ATAD1: variants seen among roughly 807,000 people sequenced by gnomAD.
ATAD1 encodes outer mitochondrial transmembrane helix translocase.
Under a neutral mutation model 42.7 loss-of-function variants are expected in ATAD1, and 18 were observed. The observed-to-expected ratio is 0.42, with a 90% confidence interval of 0.29 to 0.63. ATAD1 has a LOEUF of 0.63. Among genes scored for constraint, ATAD1 ranks in the 20% least tolerant of loss-of-function variants. The pLI is 0.19. For missense variants in ATAD1, 294 were observed against 440.4 expected (o/e 0.67, Z 2.98); for synonymous variants, 132 against 143.1 (o/e 0.92, Z 0.55).
At chr10:87,813,505 T>C (rs1589557859) in intron 2 of ATAD1, among the ~76,000 whole-genome samples, 2 of 152,222 alleles carry the variant, frequency 1.3e-5, no homozygotes, top group African/African-American at 2.4e-5. Context: ...TATATACTTA[T>C]TGCAGTGTTT....
intron 8 of ATAD1, among the ~76,000 whole-genome samples, chr10:87,762,946 T>A (rs2131777066): frequency 6.8e-6 from 1 of 146,322 alleles, no homozygotes; most frequent in Admixed American, 6.8e-5. Flanking sequence ...CCGGGTGTGG[T>A]GGCGCGCGCC....
chr10:87,829,796 T>G (rs1857796701), intron 1 of ATAD1, among the ~76,000 whole-genome samples: 2 of 152,326 alleles, frequency 1.3e-5, no homozygotes, highest in South Asian at 2.1e-4. Flanking sequence ...ATGAGCTGCT[T>G]CTTATGAATG....
rs138157721 is a variant in ATAD1 at position 87,815,415 on chromosome 10, T to C, written c.-13-803A>G. ...CCCGGAAGAATAAGCTTGTTAGGGATGATATGACTATCACATTTTGGGAGA... is the reference window on the plus strand; with the variant it reads ...CCCGGAAGAATAAGCTTGTTAGGGACGATATGACTATCACATTTTGGGAGA... On this transcript the variant is annotated intron_variant, in intron 1 of 9. Transcript: ENST00000680024. Among the ~76,000 whole-genome samples, 214 of 152,236 alleles carry C rather than the reference T, an allele frequency of 1.4e-3. 3 individuals carry two copies. Among genetic ancestry groups the C allele is most frequent in the African/African-American group, 4.9e-3 (205 of 41,574 alleles).
chr10:87,837,366 A>C (rs1857948530), intron 1 of ATAD1, among the ~76,000 whole-genome samples: 1 of 152,192 alleles, frequency 6.6e-6, no homozygotes, highest in African/African-American at 2.4e-5. Context: ...TTTCAATGTC[A>C]ATTCTGTTTT....
intron 1 of ATAD1, 57 bp from the exon 2 acceptor site, chr10:87,814,669 A>C (rs1589560053): frequency 7.8e-7 from 1 of 1,280,132 alleles, no homozygotes; most frequent in East Asian, 2.9e-5. Flanking sequence ...TAAAATTGTA[A>C]GACTAACAAA....
At chr10:87,776,217 T>C in intron 6 of ATAD1, 104 bp downstream of exon 6, 1 of 786,272 alleles carries the variant, frequency 1.3e-6, no homozygotes, top group Non-Finnish European at 2.1e-6. Context: ...GTGTAAATAA[T>C]TATGAAAAAA....
intron 8 of ATAD1, among the ~76,000 whole-genome samples, chr10:87,762,688 G>A (rs1026493765): frequency 1.3e-5 from 2 of 151,132 alleles, no homozygotes; most frequent in South Asian, 2.1e-4. Flanking sequence ...GGCTGGTTTC[G>A]AACTCCTGAC....
intron 1 of ATAD1, among the ~76,000 whole-genome samples, chr10:87,825,021 G>A (rs1162213387): frequency 6.6e-6 from 1 of 152,136 alleles, no homozygotes; most frequent in African/African-American, 2.4e-5. Flanking sequence ...ATTCCCATCT[G>A]TCAAGTAACA....
chr10:87,790,565 A>G lies in ATAD1; in HGVS notation c.262-135T>C. The G allele has an allele frequency of 2.1e-6, 2 of 948,192 alleles. 1 individual carries two copies. Among genetic ancestry groups the G allele is most frequent in the South Asian group, 4.8e-5 (2 of 41,898 alleles). The allele number at this position is 948,192 out of a possible 1,614,324, so 58.7% of individuals were successfully genotyped here. A position where few individuals can be genotyped will look rare whatever the true frequency, so the allele number is the denominator to read the frequency against. ...GTTAAAATCATATATTAACATAAGT[A>G]AAGACTTTTCCAAGCAGTAATGAAA... On this transcript the variant is annotated intron_variant, in intron 3 of 9. Coordinates refer to ENST00000680024, the MANE Select transcript of ATAD1 (RefSeq NM_001321967.2).
At chr10:87,801,896 G>A (rs1856714412) in intron 2 of ATAD1, among the ~76,000 whole-genome samples, 1 of 152,098 alleles carries the variant, frequency 6.6e-6, no homozygotes, top group African/African-American at 2.4e-5. Context: ...TTAACTGCAT[G>A]GACTGAATTA....
chr10:87,792,534 G>C (rs150832684), intron 3 of ATAD1, 123 bp downstream of exon 3: 14 of 673,698 alleles, frequency 2.1e-5, no homozygotes, highest in Non-Finnish European at 3.1e-5. Context: ...ACTATATGCC[G>C]AGTCTTATGA....
rs1564782591 is a variant in ATAD1 at position 87,814,555 on chromosome 10, T to C, written c.45A>G (p.Glu15=). 1 of 1,611,830 alleles carries C rather than the reference T, an allele frequency of 6.2e-7. No individual in the cohort carries two copies. The highest frequency in any genetic ancestry group is 8.5e-7 in the Non-Finnish European group (1 of 1,179,024). Residue 15 remains glutamate (E), a synonymous_variant, in exon 2 of 10, where the codon GAA becomes GAG. Coordinates refer to ENST00000680024, the MANE Select transcript of ATAD1 (RefSeq NM_001321967.2). ...TCAAACGGAAAATTAAACCAACAAC[T>C]TCATTCCGACTCAAAGGACGAGAAA... The part of the protein sequence containing the change: ...EAFSRPLSRN[E]VVGLIFRLTI...
chr10:87,791,409 A>G (rs572550708), intron 3 of ATAD1, among the ~76,000 whole-genome samples: 4 of 151,246 alleles, frequency 2.6e-5, no homozygotes, highest in Admixed American at 6.6e-5. Flanking sequence ...TTCAAAATGT[A>G]AAAAAAAATG....
chr10:87,760,246 G>A (rs967466305), intron 8 of ATAD1, among the ~76,000 whole-genome samples: 4 of 152,134 alleles, frequency 2.6e-5, no homozygotes, highest in African/African-American at 9.7e-5. Context: ...CCAGTGTTAG[G>A]GGGAGGGACC....
chr10:87,840,949 C>CT (rs1858021746), intron 1 of ATAD1, among the ~76,000 whole-genome samples: 2 of 152,060 alleles, frequency 1.3e-5, no homozygotes, highest in Non-Finnish European at 2.9e-5. Flanking sequence ...AGTATGTAGT[C>CT]TTTTAGTCAC....
In ATAD1 at chr10:87,831,342, C is replaced by T. The variant is rs138939012; in HGVS notation, c.-14+9845G>A. 9.3e-3 allele frequency among the ~76,000 whole-genome samples: 1,417 copies of T among 152,294 alleles called. 25 individuals are homozygous for T. Among genetic ancestry groups the T allele is most frequent in the African/African-American group, 0.032 (1,332 of 41,546 alleles). ...GTGTTACGTCTTCCCTTTACTGAGC[C>T]TAAATATTTTCCCCTAGAACTTTTA... On this transcript the variant is annotated intron_variant, in intron 1 of 4. Coordinates refer to the ATAD1 transcript ENST00000495903.
At chr10:87,837,251 G>A (rs1392572309) in intron 1 of ATAD1, among the ~76,000 whole-genome samples, 2 of 152,120 alleles carry the variant, frequency 1.3e-5, no homozygotes, top group Non-Finnish European at 2.9e-5. Flanking sequence ...AAGACTCTGG[G>A]TTTTGTTTAA....
intron 2 of ATAD1, among the ~76,000 whole-genome samples, chr10:87,804,608 G>A (rs1856840628): frequency 6.6e-6 from 1 of 152,102 alleles, no homozygotes; most frequent in East Asian, 1.9e-4. Flanking sequence ...GACCTCAGGT[G>A]ATCCACCTGC....
At chr10:87,816,589 G>C (rs1857424208) in intron 1 of ATAD1, among the ~76,000 whole-genome samples, 1 of 152,008 alleles carries the variant, frequency 6.6e-6, no homozygotes, top group South Asian at 2.1e-4. Context: ...AGCAAAAGAA[G>C]CCAAAAAGGA....
Sources: allele counts gnomAD v4.1 joint callset (sites outside exome capture counted in the v4.1 genomes callset), GRCh38; gene constraint gnomAD v4.1.1; transcripts MANE v1.5; gene names NCBI Gene and HGNC (gene_info 2026-07-23, HGNC 2026-07-21).